Variants in CFAP221 observed in about 807,000 individuals in gnomAD.
CFAP221 encodes the protein cilia and flagella associated protein 221, also known as cilia- and flagella-associated protein 221.
CFAP221 carries 97 observed loss-of-function variants against 113.1 expected under a neutral mutation model. That is an observed-to-expected ratio of 0.86 (90% CI 0.73 to 1.02). The LOEUF is 1.02. Among genes scored for constraint, CFAP221 ranks in the 50% least tolerant of loss-of-function variants. The probability of loss-of-function intolerance (pLI) is 0.00; values close to 1 mark genes in which losing one functional copy is unlikely to be tolerated. For synonymous variants in CFAP221, 331 were observed against 354.4 expected (o/e 0.93, Z 0.74); for missense variants, 1,025 against 1,013.4 (o/e 1.01, Z -0.16).
chr2:119,578,575 C>G (rs1415167040), intron 6 of CFAP221, among the ~76,000 whole-genome samples: 2 of 152,206 alleles, frequency 1.3e-5, no homozygotes, highest in Non-Finnish European at 2.9e-5. Flanking sequence ...GGTAGTGATA[C>G]CACCACATGT....
chr2:119,635,276 C>T (rs1687045221), intron 19 of CFAP221, among the ~76,000 whole-genome samples: 1 of 152,238 alleles, frequency 6.6e-6, no homozygotes, highest in African/African-American at 2.4e-5. Context: ...AGTTAACATA[C>T]ACCCACCATA....
chr2:119,616,670 G>C (rs1326063601), intron 14 of CFAP221, among the ~76,000 whole-genome samples: 2 of 152,134 alleles, frequency 1.3e-5, no homozygotes, highest in Admixed American at 1.3e-4. Context: ...GTCCCAGTCT[G>C]GTCTGCCACA....
intron 7 of CFAP221, among the ~76,000 whole-genome samples, chr2:119,592,451 C>G (rs549807490): frequency 7.2e-5 from 11 of 152,340 alleles, no homozygotes; most frequent in African/African-American, 2.6e-4. Flanking sequence ...TCTCCCTCCC[C>G]TCTTAGAACT....
chr2:119,629,100 A>G (rs1686579121), intron 16 of CFAP221, among the ~76,000 whole-genome samples: 1 of 152,202 alleles, frequency 6.6e-6, no homozygotes. Flanking sequence ...CCTTTTTCTT[A>G]CATTTAGCAT....
At chr2:119,560,100 C>T in intron 5 of CFAP221, 74 bp downstream of exon 5, 1 of 1,156,652 alleles carries the variant, frequency 8.6e-7, no homozygotes, top group Non-Finnish European at 1.2e-6. Context: ...TCAATGGTGG[C>T]AGAAAGAGAG....
chr2:119,605,345 G>T, intron 11 of CFAP221, 56 bp downstream of exon 11: 1 of 1,346,998 alleles, frequency 7.4e-7, no homozygotes, highest in Non-Finnish European at 1.1e-6. Flanking sequence ...TTTAGGTGAT[G>T]ATCTTTTATA....
chr2:119,575,025 TG>T (rs1051380250), intron 6 of CFAP221, among the ~76,000 whole-genome samples: 4 of 152,182 alleles, frequency 2.6e-5, no homozygotes, highest in African/African-American at 9.6e-5. Flanking sequence ...AACTGGCAGC[TG>T]GGGATCCTGC....
At chr2:119,597,568 AG>A (rs1186200214) in intron 7 of CFAP221, among the ~76,000 whole-genome samples, 4 of 152,222 alleles carry the variant, frequency 2.6e-5, no homozygotes, top group Non-Finnish European at 5.9e-5. Context: ...TTACCAGTAG[AG>A]GGTGTCCAGG....
In CFAP221 at chr2:119,601,160, T is replaced by G. The variant is rs1254584530; in HGVS notation, c.632-58T>G. 7.8e-6 allele frequency: 11 copies of G among 1,412,262 alleles called. No individual in the cohort carries two copies. The African/African-American group carries it at 1.1e-4, about 15-fold the overall frequency. 87.5% of individuals were successfully genotyped at this position (1,412,262 alleles called of 1,614,324 possible). A position where few individuals can be genotyped will look rare whatever the true frequency, so the allele number is the denominator to read the frequency against. ...AGCCATATTTGTGTGTGTGTCAGCA[T>G]GTGACTGGACTTGGCAAGAAGAGAG... On this transcript the variant is annotated intron_variant, in intron 7 of 23. Coordinates refer to ENST00000413369, the MANE Select transcript of CFAP221 (RefSeq NM_001271049.2).
chr2:119,656,731 A>G, downstream of CFAP221: 1 of 245,970 alleles, frequency 4.1e-6, no homozygotes, highest in East Asian at 8.5e-5. Context: ...ATGAGAGACT[A>G]AGAGCCGGGC....
chr2:119,555,881 A>G (rs1680757931), intron 3 of CFAP221, among the ~76,000 whole-genome samples: 1 of 152,232 alleles, frequency 6.6e-6, no homozygotes, highest in Non-Finnish European at 1.5e-5. Context: ...TATGGGAAGC[A>G]ATGAGTATTT....
intron 11 of CFAP221, 58 bp downstream of exon 11, chr2:119,605,347 T>G: frequency 7.5e-7 from 1 of 1,334,878 alleles, no homozygotes; most frequent in Admixed American, 1.8e-5. Context: ...TAGGTGATGA[T>G]CTTTTATAAA....
intron 21 of CFAP221, among the ~76,000 whole-genome samples, chr2:119,643,943 AG>A (rs1212162466): frequency 1.3e-5 from 2 of 151,422 alleles, no homozygotes; most frequent in African/African-American, 4.8e-5. Context: ...ACTTGAGGTC[AG>A]GAGTTCAAGA....
intron 14 of CFAP221, among the ~76,000 whole-genome samples, chr2:119,621,165 T>C (rs1685886645): frequency 6.7e-6 from 1 of 148,592 alleles, no homozygotes; most frequent in Admixed American, 6.8e-5. Flanking sequence ...GCGGAGACTG[T>C]GGTGAGCTGA....
chr2:119,613,297 G>A (rs1685306515), intron 13 of CFAP221, among the ~76,000 whole-genome samples: 1 of 152,200 alleles, frequency 6.6e-6, no homozygotes, highest in African/African-American at 2.4e-5. Context: ...GGAGGATGGT[G>A]GCCCTCTTCT....
At chr2:119,588,942 G>A (rs1048761786) in intron 7 of CFAP221, among the ~76,000 whole-genome samples, 4 of 152,102 alleles carry the variant, frequency 2.6e-5, no homozygotes, top group Admixed American at 2.6e-4. Flanking sequence ...AGCAAGGGGA[G>A]GTGGATCCAG....
intron 22 of CFAP221, chr2:119,648,391 A>G (rs1195911488): frequency 8.4e-6 from 2 of 236,972 alleles, no homozygotes; most frequent in South Asian, 9.0e-5. Context: ...AAATGAATAC[A>G]TATTTCTGAT....
At chr2:119,633,787 G>C (rs753256118) in intron 19 of CFAP221, among the ~76,000 whole-genome samples, 7 of 152,110 alleles carry the variant, frequency 4.6e-5, no homozygotes, top group Non-Finnish European at 7.3e-5. Context: ...CCTAACATCT[G>C]TTAAGAAGGC....
chr2:119,567,997 C>A (rs1681769835), intron 6 of CFAP221, among the ~76,000 whole-genome samples: 1 of 152,110 alleles, frequency 6.6e-6, no homozygotes, highest in South Asian at 2.1e-4. Context: ...AATGTATTTA[C>A]AACTAATCCA....
Sources: gnomAD v4.1 joint callset for allele counts (sites outside exome capture counted in the v4.1 genomes callset) on GRCh38, gnomAD v4.1.1 for gene constraint, MANE v1.5 for transcripts, NCBI Gene and HGNC (gene_info 2026-07-23, HGNC 2026-07-21) for gene names.